Variants in AGL observed in about 807,000 individuals in gnomAD.
The protein encoded by AGL is amylo-alpha-1,6-glucosidase and 4-alpha-glucanotransferase, also known as glycogen debranching enzyme.
A neutral mutation model predicts 199.3 loss-of-function variants in AGL; 128 were observed. The ratio of observed to expected loss-of-function variants is 0.64; its 90% CI spans 0.56 to 0.74. The LOEUF is 0.74. Among genes scored for constraint, AGL ranks in the 30% least tolerant of loss-of-function variants. AGL has a pLI of 0.00. For missense variants in AGL, 1,809 were observed against 1,820.8 expected, an observed-to-expected ratio of 0.99 and a Z score of 0.12; for synonymous variants, 584 against 594.7, an observed-to-expected ratio of 0.98 and a Z score of 0.26.
chr1:99,923,081 G>C lies in AGL; in HGVS notation c.*1430G>C, dbSNP rs555773019. On this transcript the variant is annotated 3_prime_UTR_variant, in exon 34 of 34. Transcript: ENST00000361915. ...CCTGCTCTTCTTCAAAGCTGACCTT[G>C]CTTTAGAAATAGTTTTAACTAGCTT... is the stretch of plus-strand genomic sequence containing the variant. 1 of 152,052 alleles carries C rather than the reference G, an allele frequency of 6.6e-6. No homozygotes were observed. Among genetic ancestry groups the C allele is most frequent in the African/African-American group, 2.4e-5 (1 of 41,432 alleles). The allele number at this position is 152,052 out of a possible 1,614,324, so 9.4% of individuals were successfully genotyped here.
intron 10 of AGL, 81 bp downstream of exon 10, chr1:99,875,536 T>A: frequency 8.4e-7 from 1 of 1,186,834 alleles, no homozygotes; most frequent in Non-Finnish European, 1.2e-6. Flanking sequence ...CCTAAATGTT[T>A]TCTTTAACAT....
chr1:99,890,749 T>C (rs1652825445), intron 21 of AGL, among the ~76,000 whole-genome samples: 1 of 152,110 alleles, frequency 6.6e-6, no homozygotes, highest in Non-Finnish European at 1.5e-5. Flanking sequence ...ATTCTTATTA[T>C]CTCCATAGGT....
chr1:99,879,516 G>A (rs1027072789), intron 12 of AGL, among the ~76,000 whole-genome samples: 1 of 152,034 alleles, frequency 6.6e-6, no homozygotes, highest in Non-Finnish European at 1.5e-5. Context: ...CCTGGGAGGC[G>A]GAGGTTGTGG....
chr1:99,907,680 G>GTTTTT (rs1553191673), intron 27 of AGL, among the ~76,000 whole-genome samples: 1 of 46,990 alleles, frequency 2.1e-5, no homozygotes, highest in African/African-American at 6.4e-5. Context: ...TTGTTCGTTT[G>GTTTTT]TTTTTGTTTT....
intron 27 of AGL, among the ~76,000 whole-genome samples, chr1:99,907,404 G>C (rs1158183689): frequency 1.3e-5 from 2 of 152,076 alleles, no homozygotes; most frequent in East Asian, 1.9e-4. Context: ...GAATAATGCT[G>C]CTGTGAACAT....
intron 31 of AGL, among the ~76,000 whole-genome samples, chr1:99,915,832 A>T (rs560321127): frequency 5.5e-4 from 83 of 152,122 alleles, no homozygotes; most frequent in Middle Eastern, 3.4e-3. Context: ...GACTCTTGTG[A>T]CCAGCTCTCC....
At chr1:99,908,306 T>G (rs541655794) in intron 27 of AGL, among the ~76,000 whole-genome samples, 1 of 152,240 alleles carries the variant, frequency 6.6e-6, no homozygotes, top group East Asian at 1.9e-4. Context: ...CTTGGCACCC[T>G]TGTCAAAAAA....
chr1:99,915,452 C>T lies in AGL; in HGVS notation c.4225C>T (p.Leu1409Phe), dbSNP rs758570060. The change falls in exon 31 of 34, where the codon CTT becomes TTT. Residue 1409 changes from leucine to phenylalanine, a missense_variant. Physicochemically the swap from Leu to Phe is conservative, Grantham distance 22 (BLOSUM62 0). Transcript: ENST00000361915. Reference sequence around the variant, plus strand: ...TTTGGAGATTGCAGAAAAAAAATTGCTTGGTCCCCTTGGCATGAAAACTTT... The same window carrying T: ...TTTGGAGATTGCAGAAAAAAAATTGTTTGGTCCCCTTGGCATGAAAACTTT... The part of the protein sequence containing the change: ...KALEIAEKKL[L>F]GPLGMKTLDP... The T allele has an allele frequency of 1.9e-6, 3 of 1,613,448 alleles. No homozygotes were observed. The highest frequency in any genetic ancestry group is 1.3e-5 in the African/African-American group (1 of 74,844).
At chr1:99,874,167 TG>T (rs1265806143) in intron 7 of AGL, among the ~76,000 whole-genome samples, 24 of 151,838 alleles carry the variant, frequency 1.6e-4, no homozygotes, top group Non-Finnish European at 2.8e-4. Flanking sequence ...AAGCAAACTT[TG>T]AAAGCAATCT....
At chr1:99,915,206 G>A (rs528734692) in intron 30 of AGL, among the ~76,000 whole-genome samples, 183 bp from the exon 31 acceptor site, 4 of 152,094 alleles carry the variant, frequency 2.6e-5, no homozygotes, top group South Asian at 4.2e-4. Context: ...TAACTTCTAC[G>A]GCCAAAAACA....
chr1:99,876,240 T>C (rs1249442543), intron 10 of AGL, among the ~76,000 whole-genome samples: 1 of 152,234 alleles, frequency 6.6e-6, no homozygotes, highest in Non-Finnish European at 1.5e-5. Context: ...TAGCCAGATA[T>C]GCTGTCATGT....
chr1:99,891,496 A>T, intron 22 of AGL, 110 bp from the exon 23 acceptor site: 1 of 1,521,586 alleles, frequency 6.6e-7, no homozygotes, highest in Non-Finnish European at 9.1e-7. Context: ...TAATAAATGG[A>T]AATCGGGTTT....
intron 21 of AGL, among the ~76,000 whole-genome samples, chr1:99,889,063 T>C (rs987797024): frequency 6.8e-6 from 1 of 146,884 alleles, no homozygotes; most frequent in African/African-American, 2.5e-5. Context: ...TTTTATAACC[T>C]GAAGTAAATG....
At chr1:99,863,499 G>C (rs905452971) in intron 4 of AGL, among the ~76,000 whole-genome samples, 2 of 152,014 alleles carry the variant, frequency 1.3e-5, no homozygotes, top group South Asian at 2.1e-4. Flanking sequence ...AATGAAACTT[G>C]TGTTTCATTT....
At chr1:99,907,638 G>T (rs1417517791) in intron 27 of AGL, among the ~76,000 whole-genome samples, 3 of 138,740 alleles carry the variant, frequency 2.2e-5, no homozygotes, top group East Asian at 2.2e-4. Context: ...TTGTTTTTTT[G>T]GATTTTGTTT....
chr1:99,874,664 G>A, intron 7 of AGL, 23 bp from the exon 8 acceptor site: 3 of 1,599,578 alleles, frequency 1.9e-6, no homozygotes, highest in Middle Eastern at 1.7e-4. Flanking sequence ...TGCATTTAAG[G>A]TATCGTCTTT....
chr1:99,907,964 G>T (rs1382049279), intron 27 of AGL, among the ~76,000 whole-genome samples: 1 of 151,832 alleles, frequency 6.6e-6, no homozygotes, highest in Non-Finnish European at 1.5e-5. Flanking sequence ...CCATATTGTG[G>T]GTTGTCTATT....
At chr1:99,856,378 TCCTC>T (rs1230106991) in intron 2 of AGL, among the ~76,000 whole-genome samples, 34 of 114,172 alleles carry the variant, frequency 3.0e-4, no homozygotes, top group East Asian at 2.7e-3. Context: ...CTTCCTCCCT[TCCTC>T]CCTCCCTCCC....
intron 24 of AGL, 30 bp downstream of exon 24, chr1:99,892,637 G>T: frequency 6.2e-7 from 1 of 1,601,580 alleles, no homozygotes; most frequent in Non-Finnish European, 8.6e-7. Context: ...GTTAAAATAT[G>T]TAAATCGATA....
Sources: allele counts gnomAD v4.1 joint callset (sites outside exome capture counted in the v4.1 genomes callset), GRCh38; gene constraint gnomAD v4.1.1; transcripts MANE v1.5; gene names NCBI Gene and HGNC (gene_info 2026-07-23, HGNC 2026-07-21).